The following BCL2 variants were observed in gnomAD, a reference collection of about 807,000 sequenced individuals.
The protein encoded by BCL2 is BCL2 apoptosis regulator.
A neutral mutation model predicts 14.2 loss-of-function variants in BCL2; 1 was observed. That is an observed-to-expected ratio of 0.07 (90% CI 0.02 to 0.33). The LOEUF is 0.33. Ranked by LOEUF, BCL2 falls within the 10% of genes least tolerant of loss-of-function variation. The pLI, the probability that BCL2 is intolerant of heterozygous loss-of-function variation, is 0.99. For missense variants in BCL2, 247 were observed against 305.9 expected (o/e 0.81, Z 1.44); for synonymous variants, 151 against 137.2 (o/e 1.10, Z -0.70).
rs181930274 is a variant in BCL2, at chr18:63,202,595, A to C, written c.586-73836T>G. Among the ~76,000 whole-genome samples, 4 of 152,332 alleles carry C rather than the reference A, an allele frequency of 2.6e-5. No individual in the cohort carries two copies. The East Asian group carries it at 7.7e-4, about 29-fold the overall frequency. ...TAGATGCCACAGAGACAAACATGCA[A>C]AGACATGATCTGTACCTCGTTCTGT... On this transcript the variant is annotated intron_variant, in intron 2 of 2. Coordinates refer to ENST00000333681, the MANE Select transcript of BCL2 (RefSeq NM_000633.3).
chr18:63,296,640 A>G (rs973674385), intron 2 of BCL2, among the ~76,000 whole-genome samples: 2 of 152,164 alleles, frequency 1.3e-5, no homozygotes, highest in Non-Finnish European at 2.9e-5. Flanking sequence ...CTTAACTCTT[A>G]GGGCAGGCTG....
intron 2 of BCL2, among the ~76,000 whole-genome samples, chr18:63,182,059 C>T (rs545043170): frequency 2.8e-4 from 42 of 152,238 alleles, no homozygotes; most frequent in Non-Finnish European, 5.4e-4. Flanking sequence ...CCTTATCTTG[C>T]TCTGCCTTCC....
chr18:63,140,789 T>C (rs1186543506), intron 2 of BCL2, among the ~76,000 whole-genome samples: 1 of 152,234 alleles, frequency 6.6e-6, no homozygotes, highest in Admixed American at 6.5e-5. Flanking sequence ...TTAAATGGAA[T>C]TTTATGGCAC....
At chr18:63,160,211 A>G (rs1914886486) in intron 2 of BCL2, among the ~76,000 whole-genome samples, 1 of 152,206 alleles carries the variant, frequency 6.6e-6, no homozygotes, top group Non-Finnish European at 1.5e-5. Flanking sequence ...CTAATCATTA[A>G]TCATCTACTA....
chr18:63,155,960 G>A (rs1424479863), intron 2 of BCL2, among the ~76,000 whole-genome samples: 4 of 152,094 alleles, frequency 2.6e-5, no homozygotes. Context: ...TGTGACCAAG[G>A]TGAGGGGCAC....
chr18:63,214,518 A>C (rs989388697), intron 2 of BCL2, among the ~76,000 whole-genome samples: 1 of 152,192 alleles, frequency 6.6e-6, no homozygotes, highest in African/African-American at 2.4e-5. Context: ...AAATGTTGAA[A>C]AGTCACCTGT....
intron 2 of BCL2, among the ~76,000 whole-genome samples, chr18:63,146,243 G>T (rs879535537): frequency 6.6e-6 from 1 of 152,218 alleles, no homozygotes; most frequent in Non-Finnish European, 1.5e-5. Flanking sequence ...GATACATAAA[G>T]AAATTAAGTG....
chr18:63,132,815 C>T (rs571046479), intron 2 of BCL2, among the ~76,000 whole-genome samples: 1 of 152,330 alleles, frequency 6.6e-6, no homozygotes, highest in East Asian at 1.9e-4. Context: ...TAAATAAACA[C>T]ATGCTCATTT....
intron 2 of BCL2, among the ~76,000 whole-genome samples, chr18:63,241,375 T>A (rs371169906): frequency 2.0e-5 from 3 of 152,224 alleles, no homozygotes; most frequent in East Asian, 1.9e-4. Context: ...CCAAGCATAT[T>A]TCATGGTCAC....
At chr18:63,156,282 C>T (rs971051832) in intron 2 of BCL2, among the ~76,000 whole-genome samples, 7 of 152,142 alleles carry the variant, frequency 4.6e-5, no homozygotes, top group African/African-American at 1.7e-4. Context: ...CTAGTGCTTT[C>T]AACTTACAAA....
rs907307126 is a variant in BCL2 at position 63,134,021 on chromosome 18, C to T, written c.586-5262G>A. Among the ~76,000 whole-genome samples, 6 of 152,078 alleles carry T rather than the reference C, an allele frequency of 3.9e-5. No homozygotes were observed. In the East Asian group the frequency reaches 1.2e-3, roughly 29 times the overall value. ...TCATATTGAGTAAAGCAGGACAAAA[C>T]GGTCAGCAAAACACGATTCCACTTC... On this transcript the variant is annotated intron_variant, in intron 2 of 2. Coordinates refer to ENST00000333681, the MANE Select transcript of BCL2 (RefSeq NM_000633.3).
intron 2 of BCL2, among the ~76,000 whole-genome samples, chr18:63,222,661 T>C (rs1910431203): frequency 1.3e-5 from 2 of 152,128 alleles, no homozygotes; most frequent in African/African-American, 4.8e-5. Flanking sequence ...AAGACAGCCT[T>C]GAGAAAATTA....
chr18:63,192,517 T>C (rs1249338147), intron 2 of BCL2, among the ~76,000 whole-genome samples: 1 of 152,142 alleles, frequency 6.6e-6, no homozygotes, highest in Admixed American at 6.5e-5. Context: ...ATACATCTTT[T>C]CCACAAAGAC....
At chr18:63,291,271 C>G (rs1316356909) in intron 2 of BCL2, among the ~76,000 whole-genome samples, 1 of 152,190 alleles carries the variant, frequency 6.6e-6, no homozygotes. Flanking sequence ...GCTTCCATTT[C>G]TCTGTATTTG....
chr18:63,267,741 G>A (rs71353382), intron 2 of BCL2, among the ~76,000 whole-genome samples: 7,328 of 152,202 alleles, frequency 0.048, 299 homozygotes, highest in African/African-American at 0.098. Context: ...TGTGGTTAAG[G>A]GAGCTGCCAC....
chr18:63,146,984 G>A (rs535947581), intron 2 of BCL2, among the ~76,000 whole-genome samples: 8 of 152,292 alleles, frequency 5.3e-5, no homozygotes, highest in Non-Finnish European at 1.0e-4. Context: ...ACAAGAATTC[G>A]GAGCTTTTAA....
intron 2 of BCL2, among the ~76,000 whole-genome samples, chr18:63,201,912 G>A (rs910677309): frequency 3.3e-5 from 5 of 152,160 alleles, no homozygotes; most frequent in Admixed American, 2.6e-4. Flanking sequence ...AACCACCATG[G>A]CACGTGTATA....
At chr18:63,220,399 G>C (rs747422173) in intron 2 of BCL2, among the ~76,000 whole-genome samples, 1 of 152,170 alleles carries the variant, frequency 6.6e-6, no homozygotes, top group Non-Finnish European at 1.5e-5. Context: ...CACTGTATCA[G>C]TGCTATTGTC....
rs1309016153 is a variant in BCL2, at chr18:63,169,407, CTT to C, written c.586-40650_586-40649del. Among the ~76,000 whole-genome samples, 97 of 86,624 alleles carry C rather than the reference CTT, an allele frequency of 1.1e-3. 6 individuals are homozygous for C. Among genetic ancestry groups the C allele is most frequent in the African/African-American group, 5.8e-3 (89 of 15,444 alleles). 56.8% of individuals were successfully genotyped at this position (86,624 alleles called of 152,430 possible). A position where few individuals can be genotyped will look rare whatever the true frequency, so the allele number is the denominator to read the frequency against. ...TCTTTCTTTTTCTTTCTTTCTTTTT[CTT>C]TCTCTCTCTCTCTCTCTCTTTCTTT... is the stretch of plus-strand genomic sequence containing the variant. On this transcript the variant is annotated intron_variant, in intron 2 of 2. Coordinates refer to ENST00000333681, the MANE Select transcript of BCL2 (RefSeq NM_000633.3).
Sources: allele counts gnomAD v4.1 joint callset (sites outside exome capture counted in the v4.1 genomes callset), GRCh38; gene constraint gnomAD v4.1.1; transcripts MANE v1.5; gene names NCBI Gene and HGNC (gene_info 2026-07-23, HGNC 2026-07-21).